CDKAL1: variants seen among roughly 807,000 people sequenced by gnomAD.
The protein encoded by CDKAL1 is threonylcarbamoyladenosine tRNA methylthiotransferase.
A neutral mutation model predicts 68.2 loss-of-function variants in CDKAL1; 32 were observed. The ratio of observed to expected loss-of-function variants is 0.47; its 90% CI spans 0.35 to 0.63. CDKAL1 has a LOEUF of 0.63. CDKAL1 is among the 30% of genes least tolerant of loss of function. The pLI, the probability that CDKAL1 is intolerant of heterozygous loss-of-function variation, is 0.00. For synonymous variants in CDKAL1, 234 were observed against 244.3 expected (o/e 0.96, Z 0.39); for missense variants, 606 against 696.7 (o/e 0.87, Z 1.47).
chr6:20,785,346 T>G (rs71535527), intron 8 of CDKAL1, among the ~76,000 whole-genome samples: 2 of 147,198 alleles, frequency 1.4e-5, no homozygotes, highest in Non-Finnish European at 3.0e-5. Context: ...GATGGAGTCT[T>G]GCTCTGTCGC....
At chr6:20,865,366 C>A (rs9465922) in intron 9 of CDKAL1, among the ~76,000 whole-genome samples, 139,995 of 152,168 alleles carry the variant, frequency 0.92, 64,638 homozygotes, top group East Asian at 1. Flanking sequence ...GTGGAATTGC[C>A]ATCACAATGC....
chr6:20,933,564 A>T (rs1468884088), intron 9 of CDKAL1, among the ~76,000 whole-genome samples: 1 of 152,274 alleles, frequency 6.6e-6, no homozygotes, highest in East Asian at 1.9e-4. Flanking sequence ...CTCAGGCAGA[A>T]ATCTTTTACT....
intron 2 of CDKAL1, among the ~76,000 whole-genome samples, chr6:20,543,610 T>A (rs1763470521): frequency 6.6e-6 from 1 of 152,200 alleles, no homozygotes; most frequent in African/African-American, 2.4e-5. Context: ...TTCAATTTAT[T>A]ACTTTTTCTT....
At chr6:20,880,507 G>A (rs1442530311) in intron 9 of CDKAL1, among the ~76,000 whole-genome samples, 3 of 152,176 alleles carry the variant, frequency 2.0e-5, no homozygotes, top group East Asian at 3.9e-4. Flanking sequence ...CGCCCACCTC[G>A]GCCTCCCAAA....
chr6:21,031,912 T>C (rs1326692927), intron 11 of CDKAL1, among the ~76,000 whole-genome samples: 1 of 152,174 alleles, frequency 6.6e-6, no homozygotes, highest in Non-Finnish European at 1.5e-5. Context: ...CTGAGGACCA[T>C]CCTGGTTTAT....
At chr6:20,674,025 T>C (rs1769974344) in intron 5 of CDKAL1, among the ~76,000 whole-genome samples, 1 of 152,192 alleles carries the variant, frequency 6.6e-6, no homozygotes, top group Admixed American at 6.5e-5. Context: ...TTCTCTCTCA[T>C]TTTGACCTCT....
chr6:20,974,258 A>G (rs1765735160), intron 10 of CDKAL1, among the ~76,000 whole-genome samples: 1 of 152,226 alleles, frequency 6.6e-6, no homozygotes, highest in African/African-American at 2.4e-5. Flanking sequence ...TACTGGCCTG[A>G]CCCAAAAGTA....
At chr6:21,068,995 T>C (rs1320106254) in intron 12 of CDKAL1, among the ~76,000 whole-genome samples, 1 of 152,204 alleles carries the variant, frequency 6.6e-6, no homozygotes, top group Non-Finnish European at 1.5e-5. Flanking sequence ...TTGTTGCTAC[T>C]TAGAAATAAA....
rs574572066 is a variant in CDKAL1 at position 20,651,176 on chromosome 6, C to G, written c.371+1799C>G. 1.8e-4 allele frequency among the ~76,000 whole-genome samples: 27 copies of G among 152,232 alleles called. No individual in the cohort carries two copies. The East Asian group carries it at 4.8e-3, about 27-fold the overall frequency. On this transcript the variant is annotated intron_variant, in intron 5 of 15. Coordinates refer to ENST00000274695, the MANE Select transcript of CDKAL1 (RefSeq NM_017774.3). ...GCCATTTTCATGATATTGATTCTTC[C>G]TATCCATGAGCATGGAATGTTTTAC...
At chr6:20,653,714 A>G (rs1021181763) in intron 5 of CDKAL1, among the ~76,000 whole-genome samples, 9 of 151,380 alleles carry the variant, frequency 5.9e-5, no homozygotes, top group Admixed American at 4.6e-4. Context: ...TCCCGGGTTC[A>G]AGTGATTCTC....
chr6:20,896,760 T>C (rs1313117926), intron 9 of CDKAL1, among the ~76,000 whole-genome samples: 1 of 152,092 alleles, frequency 6.6e-6, no homozygotes. Context: ...TATTACCAAG[T>C]TGGGGGTGGA....
chr6:20,828,671 A>G (rs866939601), intron 8 of CDKAL1, among the ~76,000 whole-genome samples: 1 of 152,210 alleles, frequency 6.6e-6, no homozygotes, highest in Non-Finnish European at 1.5e-5. Flanking sequence ...ATTAGCATTA[A>G]CCAGTCTGTC....
At chr6:21,083,131 G>C (rs1341801625) in intron 12 of CDKAL1, among the ~76,000 whole-genome samples, 1 of 152,050 alleles carries the variant, frequency 6.6e-6, no homozygotes, top group Non-Finnish European at 1.5e-5. Context: ...CTCCCAAAAT[G>C]CTAGGATTAC....
intron 8 of CDKAL1, among the ~76,000 whole-genome samples, chr6:20,839,310 C>T (rs1431027732): frequency 6.6e-6 from 1 of 152,144 alleles, no homozygotes. Flanking sequence ...TTCATTATGA[C>T]ATTCCTCCTG....
intron 11 of CDKAL1, among the ~76,000 whole-genome samples, chr6:21,010,912 C>T (rs999327308): frequency 2.7e-5 from 4 of 149,842 alleles, no homozygotes; most frequent in African/African-American, 9.9e-5. Context: ...TGAACCCTGT[C>T]TCTACTAAAA....
At chr6:20,601,948 G>A (rs1766117065) in intron 4 of CDKAL1, among the ~76,000 whole-genome samples, 1 of 152,156 alleles carries the variant, frequency 6.6e-6, no homozygotes, top group South Asian at 2.1e-4. Context: ...GAGAAAGGAG[G>A]TAGGAAGACC....
At chr6:20,547,639 T>G (rs1387009021) in intron 3 of CDKAL1, among the ~76,000 whole-genome samples, 1 of 152,176 alleles carries the variant, frequency 6.6e-6, no homozygotes, top group Non-Finnish European at 1.5e-5. Flanking sequence ...AGCTTTTAAA[T>G]TCTTGGAATT....
At chr6:20,863,078 A>G (rs1183972527) in intron 9 of CDKAL1, among the ~76,000 whole-genome samples, 4 of 152,214 alleles carry the variant, frequency 2.6e-5, no homozygotes, top group South Asian at 2.1e-4. Context: ...TATAAAGTGC[A>G]TACAGATCCC....
At chr6:20,562,601 C>T (rs1219123128) in intron 4 of CDKAL1, among the ~76,000 whole-genome samples, 1 of 151,784 alleles carries the variant, frequency 6.6e-6, no homozygotes, top group Non-Finnish European at 1.5e-5. Flanking sequence ...AATTAATCGG[C>T]TATGGTGGTG....
Sources: allele counts gnomAD v4.1 joint callset (sites outside exome capture counted in the v4.1 genomes callset), GRCh38; gene constraint gnomAD v4.1.1; transcripts MANE v1.5; gene names NCBI Gene and HGNC (gene_info 2026-07-23, HGNC 2026-07-21).